SLC6A2: variants seen among roughly 807,000 people sequenced by gnomAD.
SLC6A2 encodes the protein solute carrier family 6 member 2.
SLC6A2 carries 26 observed loss-of-function variants against 71.7 expected under a neutral mutation model. The ratio of observed to expected loss-of-function variants is 0.36; its 90% CI spans 0.27 to 0.50. SLC6A2 has a LOEUF of 0.50. Among genes scored for constraint, SLC6A2 ranks in the 20% least tolerant of loss-of-function variants. SLC6A2 has a pLI of 0.96. For missense variants in SLC6A2, 581 were observed against 803.9 expected (o/e 0.72, Z 3.35); for synonymous variants, 363 against 337.9 (o/e 1.07, Z -0.82).
chr16:55,668,839 C>T (rs1457246509), intron 2 of SLC6A2, among the ~76,000 whole-genome samples: 4 of 152,138 alleles, frequency 2.6e-5, no homozygotes, highest in Non-Finnish European at 5.9e-5. Flanking sequence ...TTGCTTCAGC[C>T]ACCTGTAACA....
intron 3 of SLC6A2, 134 bp downstream of exon 3, chr16:55,669,830 A>C (rs1440704742): frequency 1.4e-5 from 13 of 951,252 alleles, no homozygotes; most frequent in Non-Finnish European, 2.0e-5. Flanking sequence ...CAAGGTCAAC[A>C]GTGTCCCCCA....
intron 7 of SLC6A2, among the ~76,000 whole-genome samples, 181 bp from the exon 8 acceptor site, chr16:55,695,097 G>C (rs1287741188): frequency 6.6e-6 from 1 of 152,196 alleles, no homozygotes; most frequent in Non-Finnish European, 1.5e-5. Context: ...TCCATAAGCA[G>C]TTAGCCTACT....
intron 3 of SLC6A2, 62 bp from the exon 4 acceptor site, chr16:55,671,876 A>G (rs771040027): frequency 1.2e-6 from 2 of 1,611,318 alleles, no homozygotes; most frequent in South Asian, 1.1e-5. Flanking sequence ...GCCACACCCA[A>G]GGAGAGGTGG....
chr16:55,656,156 T>A lies in SLC6A2; in HGVS notation c.-65T>A, dbSNP rs1964440966. 2 of 157,788 alleles carry A rather than the reference T, an allele frequency of 1.3e-5. No individual in the cohort carries two copies. Among genetic ancestry groups the A allele is most frequent in the African/African-American group, 4.8e-5 (2 of 41,492 alleles). 9.8% of individuals were successfully genotyped at this position (157,788 alleles called of 1,614,324 possible). ...AGGGCGCAAGGCACCAGGGATCCCCTCGCCGCCGGACACGTGAGTGCGCCC... is the reference window on the plus strand; with the variant it reads ...AGGGCGCAAGGCACCAGGGATCCCCACGCCGCCGGACACGTGAGTGCGCCC... On this transcript the variant is annotated 5_prime_UTR_variant, in exon 1 of 15. Coordinates refer to ENST00000568943, the MANE Select transcript of SLC6A2 (RefSeq NM_001172501.3). This position sits in a 1 kb window ranked among gnomAD's most constrained non-coding sequence, Gnocchi z 4.5.
Position 55,700,296 on chromosome 16 carries a change from C to T in SLC6A2, c.1748C>T (p.Ser583Phe), listed in dbSNP as rs1409849049. 1 of 1,613,124 alleles carries T rather than the reference C, an allele frequency of 6.2e-7. No homozygotes were observed. The highest frequency in any genetic ancestry group is 1.1e-5 in the South Asian group (1 of 91,042). Residue 583 changes from serine to phenylalanine, a missense_variant, in exon 13 of 15, where the codon TCT becomes TTT. Physicochemically the swap from Ser to Phe is radical, Grantham distance 155. Around this residue, in one of 5 missense-constraint regions of SLC6A2, gnomAD observed 334 missense variants for 449.0 expected, o/e 0.74. Transcript: ENST00000568943. ...VIYKFLSTQG[S>F]LWERLAYGIT... ...TATAAGTTCCTCAGCACGCAGGGCT[C>T]TCTTTGGGAGGTGAGCTCTGGTCCT... is the stretch of plus-strand genomic sequence containing the variant.
chr16:55,658,657 C>A (rs565366734), intron 2 of SLC6A2, among the ~76,000 whole-genome samples: 1 of 152,306 alleles, frequency 6.6e-6, no homozygotes, highest in Non-Finnish European at 1.5e-5. Context: ...CGTCCATGGT[C>A]TCCCTGACAC....
chr16:55,699,684 T>C, intron 12 of SLC6A2, 30 bp downstream of exon 12: 2 of 1,450,746 alleles, frequency 1.4e-6, no homozygotes, highest in East Asian at 2.3e-5. Context: ...AAGTCCTGCA[T>C]GTGGGGAGGG....
At position 55,705,114 on chromosome 16, in the gene SLC6A2, T is replaced by A; in HGVS notation, c.*2768T>A. 1 of 956,094 alleles carries A rather than the reference T, an allele frequency of 1.0e-6. No homozygotes were observed. The highest frequency in any genetic ancestry group is 1.6e-6 in the Non-Finnish European group (1 of 620,818). The allele number at this position is 956,094 out of a possible 1,614,324, so 59.2% of individuals were successfully genotyped here. ...GATATTTTTTCAGGTTTTTAAAGAA[T>A]TATTATTTTTCATGAAATGTAAAAT... On this transcript the variant is annotated 3_prime_UTR_variant, in exon 15 of 15. Coordinates refer to ENST00000568943, the MANE Select transcript of SLC6A2 (RefSeq NM_001172501.3).
At chr16:55,693,248 A>G (rs1965692265) in intron 6 of SLC6A2, among the ~76,000 whole-genome samples, 1 of 152,148 alleles carries the variant, frequency 6.6e-6, no homozygotes, top group Admixed American at 6.5e-5. Context: ...TTAGCGGGGC[A>G]CGGTGGCACG....
At chr16:55,657,651 TG>T (rs1964495744) in intron 2 of SLC6A2, among the ~76,000 whole-genome samples, 1 of 152,032 alleles carries the variant, frequency 6.6e-6, no homozygotes, top group Non-Finnish European at 1.5e-5. Flanking sequence ...CCCAGATGAT[TG>T]GGGTGAAACC....
chr16:55,660,461 C>A (rs1275866957), intron 2 of SLC6A2, among the ~76,000 whole-genome samples: 1 of 152,206 alleles, frequency 6.6e-6, no homozygotes, highest in Non-Finnish European at 1.5e-5. Flanking sequence ...AGCTAGCTCC[C>A]TCTGGGCTTT....
At chr16:55,697,828 C>G in intron 9 of SLC6A2, 69 bp from the exon 10 acceptor site, 1 of 1,589,888 alleles carries the variant, frequency 6.3e-7, no homozygotes. Context: ...CTCTAGGAAC[C>G]CTGGGGCCTG....
At chr16:55,688,456 T>G (rs1392029380) in intron 5 of SLC6A2, among the ~76,000 whole-genome samples, 3 of 152,222 alleles carry the variant, frequency 2.0e-5, no homozygotes, top group African/African-American at 7.2e-5. Context: ...TCTCCCTTTT[T>G]AAAATCACAA....
At chr16:55,670,918 G>A (rs1964889881) in intron 3 of SLC6A2, among the ~76,000 whole-genome samples, 1 of 152,180 alleles carries the variant, frequency 6.6e-6, no homozygotes, top group Non-Finnish European at 1.5e-5. Context: ...CTAATTCCTT[G>A]AAAAGCAATG....
intron 11 of SLC6A2, among the ~76,000 whole-genome samples, chr16:55,699,264 A>C (rs570355936): frequency 3.5e-4 from 53 of 152,310 alleles, no homozygotes; most frequent in Admixed American, 1.8e-3. Flanking sequence ...TGGGCTTTGG[A>C]GTCAGGCCAA....
intron 2 of SLC6A2, among the ~76,000 whole-genome samples, chr16:55,662,521 T>G (rs1964637494): frequency 6.6e-6 from 1 of 152,186 alleles, no homozygotes; most frequent in African/African-American, 2.4e-5. Flanking sequence ...GAGGTCCTGC[T>G]CTGTTATTTG....
intron 4 of SLC6A2, among the ~76,000 whole-genome samples, chr16:55,674,286 T>G (rs1164270604): frequency 6.6e-6 from 1 of 152,178 alleles, no homozygotes; most frequent in Non-Finnish European, 1.5e-5. Flanking sequence ...GAACGTGCAG[T>G]ATTTGGTTTT....
intron 13 of SLC6A2, among the ~76,000 whole-genome samples, chr16:55,701,533 T>C (rs1329225636): frequency 6.6e-6 from 1 of 152,274 alleles, no homozygotes; most frequent in East Asian, 1.9e-4. Flanking sequence ...GGGTCTAAGA[T>C]GATGTGTGTG....
intron 4 of SLC6A2, among the ~76,000 whole-genome samples, chr16:55,672,477 G>T (rs1315249034): frequency 1.3e-5 from 2 of 152,154 alleles, no homozygotes; most frequent in African/African-American, 4.8e-5. Context: ...ACTTTCTGGG[G>T]TATGTAACTG....
Sources: allele counts gnomAD v4.1 joint callset (sites outside exome capture counted in the v4.1 genomes callset), GRCh38; gene constraint gnomAD v4.1.1; regional missense constraint gnomAD v4.1.1; non-coding constraint Gnocchi (gnomAD v3.1); transcripts MANE v1.5; gene names NCBI Gene and HGNC (gene_info 2026-07-23, HGNC 2026-07-21).